GCH1: variants seen among roughly 807,000 people sequenced by gnomAD.
GCH1 encodes GTP cyclohydrolase I.
GCH1 carries 5 observed loss-of-function variants against 25.9 expected under a neutral mutation model. The ratio of observed to expected loss-of-function variants is 0.19; its 90% confidence interval spans 0.10 to 0.41. The LOEUF (loss-of-function observed/expected upper bound fraction) is 0.41. Ranked by LOEUF, GCH1 falls within the 10% of genes least tolerant of loss-of-function variation. The pLI, the probability that GCH1 is intolerant of heterozygous loss-of-function variation, is 1.00. For synonymous variants in GCH1, 159 were observed against 129.6 expected (o/e 1.23, Z -1.54); for missense variants, 261 against 336.5 (o/e 0.78, Z 1.75).
At chr14:54,873,500 A>C (rs2140087641) in intron 1 of GCH1, among the ~76,000 whole-genome samples, 1 of 152,212 alleles carries the variant, frequency 6.6e-6, no homozygotes, top group Middle Eastern at 3.4e-3. Context: ...AGATCAGAGC[A>C]GAACTGAAGG....
At position 54,843,737 on chromosome 14, in the gene GCH1, C is replaced by A; in HGVS notation, c.*280G>T. On this transcript the variant is annotated 3_prime_UTR_variant, in exon 6 of 6. Transcript: ENST00000491895. ...AAATACACTAATTCTTCTCCCTTCCCAGGCCCCTCTGGTTATCTGGCAGTG... is the reference window on the plus strand; with the variant it reads ...AAATACACTAATTCTTCTCCCTTCCAAGGCCCCTCTGGTTATCTGGCAGTG... 6.2e-7 allele frequency: 1 copy of A among 1,613,400 alleles called. No individual in the cohort carries two copies. The highest frequency in any genetic ancestry group is 8.5e-7 in the Non-Finnish European group (1 of 1,179,828).
chr14:54,878,172 T>C (rs947059308), intron 1 of GCH1: 2 of 154,648 alleles, frequency 1.3e-5, no homozygotes, highest in African/African-American at 4.8e-5. Context: ...TTCTGTCCAA[T>C]GGAGTTCCCT....
chr14:54,877,389 A>G (rs975607355), intron 1 of GCH1, among the ~76,000 whole-genome samples: 1 of 152,226 alleles, frequency 6.6e-6, no homozygotes, highest in Non-Finnish European at 1.5e-5. Flanking sequence ...TTCATAATTA[A>G]GCAATGTCAA....
At position 54,845,813 on chromosome 14, in the gene GCH1, G is replaced by A. The variant is rs1008663334; in HGVS notation, c.581C>T (p.Thr194Met). 17 of 1,610,750 alleles carry A rather than the reference G, an allele frequency of 1.1e-5. No individual in the cohort carries two copies. The highest frequency in any genetic ancestry group is 1.3e-5 in the African/African-American group (1 of 74,876). The stretch of plus-strand genomic sequence containing the variant: ...GACTCCAGCAGGCCGCAAGGCTTCC[G>A]TGATTGCTACAGCAATTTGTTTTGT... ...RLTKQIAVAI[T>M]EALRPAGVGV... is the part of the protein sequence containing the mutation. The change falls in exon 5 of 6, where the codon ACG becomes ATG. Residue 194 changes from threonine (T) to methionine (M), a missense_variant. Thr to Met is a moderately conservative substitution (Grantham distance 81). This residue lies in a region of GCH1 where 130 missense variants were observed against 184.1 expected (regional missense o/e 0.71). Transcript: ENST00000491895.
chr14:54,882,884 A>G (rs1269526025), intron 1 of GCH1, among the ~76,000 whole-genome samples: 1 of 152,222 alleles, frequency 6.6e-6, no homozygotes, highest in Non-Finnish European at 1.5e-5. Context: ...TTCCTTCGCA[A>G]CAGGGGTTCC....
intron 1 of GCH1, chr14:54,885,018 T>C: frequency 4.2e-6 from 1 of 236,804 alleles, no homozygotes; most frequent in Non-Finnish European, 8.6e-6. Flanking sequence ...GTAATTCTTC[T>C]GCATGATCTG....
chr14:54,896,723 T>C (rs1477046966), intron 1 of GCH1, among the ~76,000 whole-genome samples: 11 of 150,542 alleles, frequency 7.3e-5, no homozygotes, highest in Non-Finnish European at 1.3e-4. Context: ...CCATCCTGGC[T>C]AACACGGTGA....
chr14:54,899,935 G>C (rs180916763), intron 1 of GCH1, among the ~76,000 whole-genome samples: 2 of 151,786 alleles, frequency 1.3e-5, no homozygotes, highest in Admixed American at 1.3e-4. Flanking sequence ...TGCGATCTCG[G>C]CTCACTGCAA....
Position 54,843,862 on chromosome 14 carries a change from T to C in GCH1, c.*155A>G. ...GGGCTCAACCCTTTATTATATTTAT[T>C]TGACTTCCTAGAAATAATTTTAAAT... On this transcript the variant is annotated 3_prime_UTR_variant, in exon 6 of 6. Transcript: ENST00000491895. The C allele has an allele frequency of 6.2e-7, 1 of 1,610,932 alleles. No individual in the cohort carries two copies.
intron 1 of GCH1, among the ~76,000 whole-genome samples, chr14:54,867,067 T>C (rs781481248): frequency 6.6e-6 from 1 of 152,194 alleles, no homozygotes; most frequent in Non-Finnish European, 1.5e-5. Context: ...GATTTTAATA[T>C]GGTATGATTG....
intron 1 of GCH1, among the ~76,000 whole-genome samples, chr14:54,892,314 G>C (rs1190905186): frequency 6.6e-6 from 1 of 152,140 alleles, no homozygotes; most frequent in Non-Finnish European, 1.5e-5. Context: ...AAGGATAAGG[G>C]GAACTACTGT....
intron 1 of GCH1, among the ~76,000 whole-genome samples, chr14:54,876,561 AAGC>A (rs1005894855): frequency 1.3e-5 from 2 of 152,128 alleles, no homozygotes; most frequent in Non-Finnish European, 2.9e-5. Context: ...CAGGCGGCTG[AAGC>A]AGGAGGATCC....
At chr14:54,870,736 G>A (rs2041340140) in intron 1 of GCH1, among the ~76,000 whole-genome samples, 1 of 152,190 alleles carries the variant, frequency 6.6e-6, no homozygotes, top group Admixed American at 6.5e-5. Flanking sequence ...TACTCCCACA[G>A]ATCCTCGCTC....
rs559169169 is a variant in GCH1 at position 54,870,488 on chromosome 14, T to G, written c.344-5052A>C. ...GTATCGGGTTCATCTCACTGGGGAG[T>G]GTCGGACAGTGGGTGCAGGACAGGG... On this transcript the variant is annotated intron_variant, in intron 1 of 5. Coordinates refer to ENST00000491895, the MANE Select transcript of GCH1 (RefSeq NM_000161.3). Among the ~76,000 whole-genome samples, 13 of 151,610 alleles carry G rather than the reference T, an allele frequency of 8.6e-5. No individual in the cohort carries two copies. In the East Asian group the frequency reaches 2.3e-3, roughly 27 times the overall value.
chr14:54,868,106 T>C (rs1199574446), intron 1 of GCH1, among the ~76,000 whole-genome samples: 1 of 151,966 alleles, frequency 6.6e-6, no homozygotes, highest in African/African-American at 2.4e-5. Context: ...ACAAAATATC[T>C]AAACAAGTAC....
At chr14:54,879,420 CAAAAAA>C (rs34163543) in intron 1 of GCH1, among the ~76,000 whole-genome samples, 10,601 of 59,528 alleles carry the variant, frequency 0.18, 492 homozygotes, top group East Asian at 0.44. Context: ...GTCCCTGTCT[CAAAAAA>C]AAAAAAAAAA....
At chr14:54,848,344 C>T (rs1280018504) in intron 3 of GCH1, among the ~76,000 whole-genome samples, 2 of 152,074 alleles carry the variant, frequency 1.3e-5, no homozygotes, top group Non-Finnish European at 2.9e-5. Flanking sequence ...ACCATGTTGG[C>T]CAGGCTGGTC....
intron 1 of GCH1, among the ~76,000 whole-genome samples, chr14:54,897,261 C>T (rs1344837899): frequency 6.7e-6 from 1 of 149,332 alleles, no homozygotes; most frequent in Non-Finnish European, 1.5e-5. Context: ...GCTGGGATTA[C>T]AGACTTGAGC....
intron 1 of GCH1, among the ~76,000 whole-genome samples, chr14:54,890,040 G>T (rs1263600312): frequency 1.3e-5 from 2 of 152,304 alleles, no homozygotes; most frequent in East Asian, 3.9e-4. Flanking sequence ...GGCATGAATG[G>T]ATCAGAGCAG....
Sources: allele counts gnomAD v4.1 joint callset (sites outside exome capture counted in the v4.1 genomes callset), GRCh38; gene constraint gnomAD v4.1.1; regional missense constraint gnomAD v4.1.1; transcripts MANE v1.5; gene names NCBI Gene and HGNC (gene_info 2026-07-23, HGNC 2026-07-21).